Variants in SLC25A27 observed in about 807,000 individuals in gnomAD.
The protein encoded by SLC25A27 is mitochondrial uncoupling protein 4.
A neutral mutation model predicts 49.1 loss-of-function variants in SLC25A27; 35 were observed. The ratio of observed to expected loss-of-function variants is 0.71; its 90% CI spans 0.54 to 0.95. SLC25A27 has a LOEUF of 0.95. SLC25A27 is among the 40% of genes least tolerant of loss of function. SLC25A27 has a pLI of 0.00. For synonymous variants in SLC25A27, 144 were observed against 136.9 expected, an observed-to-expected ratio of 1.05 and a Z score of -0.36; for missense variants, 339 against 397.1, an observed-to-expected ratio of 0.85 and a Z score of 1.24.
intron 3 of SLC25A27, among the ~76,000 whole-genome samples, chr6:46,659,722 G>A (rs1338189392): frequency 6.6e-6 from 1 of 151,938 alleles, no homozygotes; most frequent in Non-Finnish European, 1.5e-5. Flanking sequence ...GGGTTTGGTG[G>A]TGGGGGACTG....
intron 5 of SLC25A27, among the ~76,000 whole-genome samples, chr6:46,666,214 T>C (rs1763321502): frequency 6.6e-6 from 1 of 152,204 alleles, no homozygotes; most frequent in Admixed American, 6.5e-5. Context: ...CCATGCCATG[T>C]TGTATTATAT....
chr6:46,673,362 G>A (rs777424620), intron 8 of SLC25A27, among the ~76,000 whole-genome samples: 19 of 152,264 alleles, frequency 1.2e-4, no homozygotes, highest in Admixed American at 5.2e-4. Flanking sequence ...CAGGTGAGTG[G>A]TTCAGGGCAT....
In SLC25A27 at chr6:46,676,647, T is replaced by A. The variant is rs1376086450; in HGVS notation, c.*193T>A. ...TTTGACTCCTCTTTTTGTCCAAAAGTGATCTGGTCGGATCTCACAAGGCCA... is the reference window on the plus strand; with the variant it reads ...TTTGACTCCTCTTTTTGTCCAAAAGAGATCTGGTCGGATCTCACAAGGCCA... On this transcript the variant is annotated 3_prime_UTR_variant, in exon 9 of 9. Coordinates refer to ENST00000371347, the MANE Select transcript of SLC25A27 (RefSeq NM_004277.5). 1.3e-6 allele frequency: 2 copies of A among 1,550,954 alleles called. No homozygotes were observed.
intron 2 of SLC25A27, 110 bp downstream of exon 2, chr6:46,656,144 A>T: frequency 1.2e-6 from 1 of 815,220 alleles, no homozygotes; most frequent in Non-Finnish European, 1.9e-6. Context: ...CTGATACAAT[A>T]ACTGAACACA....
intron 5 of SLC25A27, among the ~76,000 whole-genome samples, chr6:46,666,519 G>T (rs961659075): frequency 2.6e-5 from 4 of 152,138 alleles, no homozygotes; most frequent in Admixed American, 1.3e-4. Flanking sequence ...TTTCAGCTTT[G>T]CTATTAGAGT....
intron 5 of SLC25A27, among the ~76,000 whole-genome samples, chr6:46,665,642 C>T (rs1394259585): frequency 4.0e-5 from 6 of 151,854 alleles, no homozygotes; most frequent in Non-Finnish European, 5.9e-5. Context: ...GCTGAGATCG[C>T]GCCACTGTAC....
chr6:46,675,388 C>T (rs1021765387), intron 8 of SLC25A27, among the ~76,000 whole-genome samples: 11 of 152,234 alleles, frequency 7.2e-5, no homozygotes, highest in Non-Finnish European at 1.2e-4. Context: ...ATGGTATCAT[C>T]GTAGCTTTAT....
In SLC25A27 at chr6:46,662,271, T is replaced by C. The variant is rs72869711; in HGVS notation, c.384-105T>C. 5,625 of 960,378 alleles carry C rather than the reference T, an allele frequency of 5.9e-3. 27 individuals carry two copies. The highest frequency in any genetic ancestry group is 0.014 in the Middle Eastern group (52 of 3,662). The allele number at this position is 960,378 out of a possible 1,614,324, so 59.5% of individuals were successfully genotyped here. On this transcript the variant is annotated intron_variant, in intron 3 of 8. Coordinates refer to ENST00000371347, the MANE Select transcript of SLC25A27 (RefSeq NM_004277.5). ...ACTTGGGTATATCCTTTTCTTTACT[T>C]GATCTGAAATCTCTTACCTAGGCCC...
intron 5 of SLC25A27, 50 bp from the exon 6 acceptor site, chr6:46,668,659 A>C (rs1175826641): frequency 1.9e-6 from 2 of 1,061,786 alleles, no homozygotes; most frequent in South Asian, 2.6e-5. Flanking sequence ...TCTTGACACA[A>C]AAGACATTCA....
In SLC25A27 at chr6:46,658,950, T is replaced by G. The variant is rs773501704; in HGVS notation, c.299-12T>G. ...AGCCAAAGTTACCTTTTTAATGATC[T>G]TTTTTACCCAGTGTATTCTGGAGGT... On this transcript the variant is annotated splice_polypyrimidine_tract_variant and intron_variant, in intron 2 of 8. Transcript: ENST00000371347. The G allele has an allele frequency of 1.2e-6, 2 of 1,600,682 alleles. No homozygotes were observed. The highest frequency in any genetic ancestry group is 2.7e-5 in the African/African-American group (2 of 74,676).
chr6:46,668,901 C>T, intron 6 of SLC25A27, 108 bp downstream of exon 6: 2 of 626,106 alleles, frequency 3.2e-6, no homozygotes, highest in South Asian at 2.3e-5. Context: ...ACTGGCATCA[C>T]CTTTAGAGAA....
At chr6:46,669,798 T>C (rs1193548317) in intron 6 of SLC25A27, among the ~76,000 whole-genome samples, 1 of 152,210 alleles carries the variant, frequency 6.6e-6, no homozygotes, top group African/African-American at 2.4e-5. Context: ...CCCATGTTTT[T>C]TTCATAGCTT....
intron 3 of SLC25A27, among the ~76,000 whole-genome samples, 156 bp downstream of exon 3, chr6:46,659,202 G>T (rs1162718243): frequency 6.6e-6 from 1 of 152,164 alleles, no homozygotes; most frequent in Non-Finnish European, 1.5e-5. Context: ...ATTTACTGCA[G>T]ATGTATACAG....
intron 8 of SLC25A27, among the ~76,000 whole-genome samples, chr6:46,672,079 C>T (rs189868716): frequency 1.6e-4 from 24 of 152,208 alleles, no homozygotes; most frequent in Admixed American, 6.5e-4. Context: ...GGGAAGAGTG[C>T]ATAATGCTAT....
intron 4 of SLC25A27, among the ~76,000 whole-genome samples, chr6:46,663,797 G>A (rs1390841095): frequency 2.6e-5 from 4 of 152,282 alleles, no homozygotes; most frequent in Non-Finnish European, 4.4e-5. Context: ...TTCAAAGCCA[G>A]TCTTTACCAT....
At chr6:46,661,327 A>G (rs1351418516) in intron 3 of SLC25A27, among the ~76,000 whole-genome samples, 1 of 152,240 alleles carries the variant, frequency 6.6e-6, no homozygotes, top group Non-Finnish European at 1.5e-5. Context: ...GTTTTCTGGA[A>G]AGCAATTTGA....
chr6:46,653,379 C>A, intron 1 of SLC25A27, 81 bp downstream of exon 1: 1 of 1,486,144 alleles, frequency 6.7e-7, no homozygotes, highest in South Asian at 1.4e-5. Context: ...GGCTTCGCGC[C>A]CGGCAGTGCG....
rs1422665735 is a variant in SLC25A27 at position 46,655,917 on chromosome 6, G to A, written c.181G>A (p.Gly61Ser). The A allele has an allele frequency of 3.7e-6, 6 of 1,613,668 alleles. No individual in the cohort carries two copies. Among genetic ancestry groups the A allele is most frequent in the East Asian group, 2.2e-5 (1 of 44,824 alleles). ...AGCAGCTCTTGCTCGGTTGGGAGAC[G>A]GTGCAAGAGAATCTGCCCCCTATAG... ...GEAALARLGD[G>S]ARESAPYRGM... Residue 61 changes from glycine (G) to serine (S), a missense_variant, in exon 2 of 9, where the codon GGT becomes AGT. Transcript: ENST00000371347.
chr6:46,669,229 C>A (rs1243742465), intron 6 of SLC25A27, among the ~76,000 whole-genome samples: 1 of 152,068 alleles, frequency 6.6e-6, no homozygotes, highest in Non-Finnish European at 1.5e-5. Context: ...TAAAAGGAAG[C>A]AACTAGTTAC....
Sources: allele counts gnomAD v4.1 joint callset (sites outside exome capture counted in the v4.1 genomes callset), GRCh38; gene constraint gnomAD v4.1.1; transcripts MANE v1.5; gene names NCBI Gene and HGNC (gene_info 2026-07-23, HGNC 2026-07-21).